Variants in INPP5A observed in about 807,000 individuals in gnomAD.
INPP5A encodes the protein inositol polyphosphate-5-phosphatase A.
Under a neutral mutation model 65.2 loss-of-function variants are expected in INPP5A, and 14 were observed. The observed-to-expected ratio is 0.21, with a 90% CI of 0.14 to 0.34. The LOEUF (loss-of-function observed/expected upper bound fraction) is 0.34, where lower values mean the gene tolerates loss of function less well. Ranked by LOEUF, INPP5A falls within the 10% of genes least tolerant of loss-of-function variation. The pLI is 1.00. For synonymous variants in INPP5A, 207 were observed against 208.3 expected (o/e 0.99, Z 0.05); for missense variants, 431 against 545.6 (o/e 0.79, Z 2.09).
In INPP5A at chr10:132,760,577, C is replaced by T. The variant is rs933117722; in HGVS notation, c.904-5196C>T. ...GACAACTTCATTAAGGACGTGGCAT[C>T]GGAGGGCCCCACACAGCAGAGCTGT... On this transcript the variant is annotated intron_variant, in intron 11 of 15. Coordinates refer to ENST00000368594, the MANE Select transcript of INPP5A (RefSeq NM_005539.5). 1.4e-4 allele frequency among the ~76,000 whole-genome samples: 22 copies of T among 152,254 alleles called. 1 individual carries two copies. The highest frequency in any genetic ancestry group is 5.9e-4 in the Admixed American group (9 of 15,292).
intron 1 of INPP5A, among the ~76,000 whole-genome samples, chr10:132,582,906 G>A (rs2071503286): frequency 6.6e-6 from 1 of 152,186 alleles, no homozygotes; most frequent in Non-Finnish European, 1.5e-5. Context: ...AGGCTGCTTT[G>A]GATATTCCAG....
intron 1 of INPP5A, among the ~76,000 whole-genome samples, chr10:132,585,728 T>C (rs1026592878): frequency 6.6e-6 from 1 of 152,264 alleles, no homozygotes; most frequent in African/African-American, 2.4e-5. Flanking sequence ...CATCCTTTTC[T>C]TGCACTTCAT....
At chr10:132,748,422 C>T (rs11146497) in intron 9 of INPP5A, among the ~76,000 whole-genome samples, 11,447 of 152,210 alleles carry the variant, frequency 0.075, 712 homozygotes, top group East Asian at 0.21. Context: ...TTCCCTTGTT[C>T]GGTGAGGTTC....
At chr10:132,617,247 A>G (rs2072048208) in intron 2 of INPP5A, among the ~76,000 whole-genome samples, 1 of 152,154 alleles carries the variant, frequency 6.6e-6, no homozygotes, top group Admixed American at 6.5e-5. Context: ...GGCTCTTTGC[A>G]GGCAGCTCAG....
intron 1 of INPP5A, among the ~76,000 whole-genome samples, chr10:132,579,391 A>G (rs2071452800): frequency 6.6e-6 from 1 of 151,952 alleles, no homozygotes; most frequent in African/African-American, 2.4e-5. Flanking sequence ...CCGCCCCAGT[A>G]CTGTGGTGAA....
chr10:132,598,807 G>A (rs944889424), intron 1 of INPP5A, among the ~76,000 whole-genome samples: 2 of 152,212 alleles, frequency 1.3e-5, no homozygotes, highest in East Asian at 1.9e-4. Flanking sequence ...TGGCTGGAGA[G>A]GCCTCAGAAT....
chr10:132,560,726 G>A (rs1342964275), intron 1 of INPP5A, among the ~76,000 whole-genome samples: 1 of 152,116 alleles, frequency 6.6e-6, no homozygotes, highest in Admixed American at 6.6e-5. Context: ...AAGCAGCAGT[G>A]TCTCACGTAG....
intron 11 of INPP5A, among the ~76,000 whole-genome samples, chr10:132,752,987 G>A (rs967072020): frequency 3.9e-5 from 6 of 152,118 alleles, no homozygotes; most frequent in South Asian, 2.1e-4. Context: ...GTGTCGATAC[G>A]TCGGGAGTCC....
Position 132,603,263 on chromosome 10 carries a change from G to A in INPP5A, c.76-4652G>A, listed in dbSNP as rs927576133. 3.3e-5 allele frequency among the ~76,000 whole-genome samples: 5 copies of A among 152,212 alleles called. No individual in the cohort carries two copies. The highest frequency in any genetic ancestry group is 5.9e-5 in the Non-Finnish European group (4 of 68,014). On this transcript the variant is annotated intron_variant, in intron 1 of 15. Transcript: ENST00000368594. This position sits in a 1 kb window ranked among gnomAD's most constrained non-coding sequence, Gnocchi z 4.2. Reference sequence around the variant, plus strand: ...CTATTAGGGGCTGTATAGCAAACACGCTAAAGATCATCTCAGTTTTTTAGT... The same window carrying A: ...CTATTAGGGGCTGTATAGCAAACACACTAAAGATCATCTCAGTTTTTTAGT...
intron 1 of INPP5A, among the ~76,000 whole-genome samples, chr10:132,576,286 T>G (rs2071411587): frequency 6.6e-6 from 1 of 152,232 alleles, no homozygotes; most frequent in Non-Finnish European, 1.5e-5. Flanking sequence ...GTCTGCTTCC[T>G]GAGGCTCACA....
intron 2 of INPP5A, among the ~76,000 whole-genome samples, chr10:132,628,463 CGGGG>C (rs55668291): frequency 4.3e-4 from 10 of 23,304 alleles, no homozygotes; most frequent in Admixed American, 8.3e-4. Flanking sequence ...GCTCTGGTGG[CGGGG>C]GGGGGGGGGG....
intron 6 of INPP5A, among the ~76,000 whole-genome samples, chr10:132,699,241 G>T (rs1845396563): frequency 6.6e-6 from 1 of 152,126 alleles, no homozygotes; most frequent in African/African-American, 2.4e-5. Context: ...GGTGGGGGCT[G>T]TGGTTCCCCT....
At chr10:132,561,147 C>G (rs1029181000) in intron 1 of INPP5A, among the ~76,000 whole-genome samples, 1 of 149,736 alleles carries the variant, frequency 6.7e-6, no homozygotes, top group Non-Finnish European at 1.5e-5. Context: ...ATTGCAACCT[C>G]GACCTCCTGG....
At chr10:132,720,214 C>T (rs1321628057) in intron 8 of INPP5A, among the ~76,000 whole-genome samples, 4 of 149,936 alleles carry the variant, frequency 2.7e-5, no homozygotes, top group Non-Finnish European at 4.4e-5. Flanking sequence ...TCTGTGGCAC[C>T]TGGGTTCTGT....
intron 9 of INPP5A, among the ~76,000 whole-genome samples, chr10:132,746,812 G>A (rs920889274): frequency 3.9e-5 from 6 of 152,220 alleles, no homozygotes; most frequent in Non-Finnish European, 7.3e-5. Context: ...CAAAGTAGGC[G>A]AGCCGGAAAG....
At chr10:132,737,742 A>G (rs984678948) in intron 9 of INPP5A, among the ~76,000 whole-genome samples, 3 of 152,260 alleles carry the variant, frequency 2.0e-5, no homozygotes, top group Non-Finnish European at 4.4e-5. Flanking sequence ...CTTGGTGTAA[A>G]ATAGCAATGG....
At chr10:132,626,878 T>C (rs2072191888) in intron 2 of INPP5A, among the ~76,000 whole-genome samples, 1 of 152,148 alleles carries the variant, frequency 6.6e-6, no homozygotes, top group Non-Finnish European at 1.5e-5. Context: ...TGTGTTCTGC[T>C]AGAGTCTGTT....
chr10:132,592,267 A>G (rs1399923094), intron 1 of INPP5A, among the ~76,000 whole-genome samples: 1 of 152,268 alleles, frequency 6.6e-6, no homozygotes, highest in African/African-American at 2.4e-5. Context: ...GGTTGACTGC[A>G]TAGTAGTGTG....
At chr10:132,685,055 TTATTA>T (rs2073097030) in intron 4 of INPP5A, among the ~76,000 whole-genome samples, 1 of 152,214 alleles carries the variant, frequency 6.6e-6, no homozygotes, top group Non-Finnish European at 1.5e-5. Flanking sequence ...TAGATTTATT[TTATTA>T]AAAAAAAAAA....
Sources: allele counts gnomAD v4.1 joint callset (sites outside exome capture counted in the v4.1 genomes callset), GRCh38; gene constraint gnomAD v4.1.1; non-coding constraint Gnocchi (gnomAD v3.1); transcripts MANE v1.5; gene names NCBI Gene and HGNC (gene_info 2026-07-23, HGNC 2026-07-21).